Variants in LRRC14 observed in about 807,000 individuals in gnomAD.
LRRC14 encodes the protein leucine-rich repeat-containing protein 14.
In LRRC14, 16 loss-of-function variants were observed where a neutral mutation model predicts 25.3. That is an observed-to-expected ratio of 0.63 (90% CI 0.43 to 0.96). LRRC14 has a LOEUF of 0.96. Among genes scored for constraint, LRRC14 ranks in the 40% least tolerant of loss-of-function variants. The pLI is 0.00. For synonymous variants in LRRC14, 359 were observed against 295.1 expected, an observed-to-expected ratio of 1.22 and a Z score of -2.22; for missense variants, 594 against 660.5, an observed-to-expected ratio of 0.90 and a Z score of 1.10.
In LRRC14 at chr8:144,522,237, C is replaced by T. The variant is rs973186162; in HGVS notation, c.*759C>T. 83 of 505,478 alleles carry T rather than the reference C, an allele frequency of 1.6e-4. No homozygotes were observed. Among genetic ancestry groups the T allele is most frequent in the Non-Finnish European group, 2.4e-4 (75 of 315,418 alleles). 31.3% of individuals were successfully genotyped at this position (505,478 alleles called of 1,614,324 possible). On this transcript the variant is annotated 3_prime_UTR_variant, in exon 4 of 4. Transcript: ENST00000292524. ...GGCCGGCCAGGGCCAGCGAGGGACC[C>T]CCCCCATGCAGAGCTGGAGGTTGGG...
Position 144,524,329 on chromosome 8 carries a change from C to T in LRRC14, c.*2851C>T. 1 of 1,601,490 alleles carries T rather than the reference C, an allele frequency of 6.2e-7. No individual in the cohort carries two copies. ...GGAAAAAGGGCGCCGAGGTTGGGGG[C>T]ATGTCTCTCTTCTTACCAAGCTAGA... On this transcript the variant is annotated 3_prime_UTR_variant, in exon 4 of 4. Coordinates refer to ENST00000292524, the MANE Select transcript of LRRC14 (RefSeq NM_014665.4).
chr8:144,521,310 G>A lies in LRRC14; in HGVS notation c.1314G>A (p.Leu438=), dbSNP rs146960486. The A allele has an allele frequency of 8.1e-6, 13 of 1,612,846 alleles. No individual in the cohort carries two copies. Among genetic ancestry groups the A allele is most frequent in the Non-Finnish European group, 4.2e-6 (5 of 1,180,016 alleles). Residue 438 remains leucine (L), a synonymous_variant, in exon 4 of 4, where the codon TTG becomes TTA. Transcript: ENST00000292524. Reference sequence around the variant, plus strand: ...TCCCTGTGGACTGCTATGAGGGCTTGCCCTGGCCGCCGCCTGCCTCTGTCC... The same window carrying A: ...TCCCTGTGGACTGCTATGAGGGCTTACCCTGGCCGCCGCCTGCCTCTGTCC... ...HPFPVDCYEG[L]PWPPPASVLL...
In LRRC14 at chr8:144,522,508, C is replaced by A; in HGVS notation, c.*1030C>A. 2 of 1,497,818 alleles carry A rather than the reference C, an allele frequency of 1.3e-6. No individual in the cohort carries two copies. Among genetic ancestry groups the A allele is most frequent in the Non-Finnish European group, 8.9e-7 (1 of 1,128,954 alleles). 92.8% of individuals were successfully genotyped at this position (1,497,818 alleles called of 1,614,324 possible). A position where few individuals can be genotyped will look rare whatever the true frequency, so the allele number is the denominator to read the frequency against. On this transcript the variant is annotated 3_prime_UTR_variant, in exon 4 of 4. Transcript: ENST00000292524. ...GGATCTCGTAGGCGACCGGCGGGGGCACGCGGAGTCCCGGCCCCGCCCCCT... is the reference window on the plus strand; with the variant it reads ...GGATCTCGTAGGCGACCGGCGGGGGAACGCGGAGTCCCGGCCCCGCCCCCT...
At position 144,524,096 on chromosome 8, in the gene LRRC14, C is replaced by G. The variant is rs199698941; in HGVS notation, c.*2618C>G. ...CCGTGGCCCAGACAGAGACGCTTTC[C>G]GAGGAAGAGGTACCTGTGAGGCGCA... On this transcript the variant is annotated 3_prime_UTR_variant, in exon 4 of 4. Coordinates refer to ENST00000292524, the MANE Select transcript of LRRC14 (RefSeq NM_014665.4). 1.3e-6 allele frequency: 2 copies of G among 1,591,526 alleles called. No individual in the cohort carries two copies. Among genetic ancestry groups the G allele is most frequent in the Non-Finnish European group, 1.7e-6 (2 of 1,164,406 alleles).
Position 144,524,565 on chromosome 8 carries a change from A to G in LRRC14, c.*3087A>G. On this transcript the variant is annotated 3_prime_UTR_variant, in exon 4 of 4. Coordinates refer to ENST00000292524, the MANE Select transcript of LRRC14 (RefSeq NM_014665.4). ...CAAGCCGCGCAGCCGGTTGCTAGTG[A>G]GCGCCAGCTCCAGCAGGCGCGGCTG... The G allele has an allele frequency of 1.3e-6, 2 of 1,566,014 alleles. No homozygotes were observed. Among genetic ancestry groups the G allele is most frequent in the African/African-American group, 2.7e-5 (2 of 74,112 alleles).
At position 144,521,530 on chromosome 8, in the gene LRRC14, C is replaced by G. The variant is rs554167706; in HGVS notation, c.*52C>G. 4 of 1,524,586 alleles carry G rather than the reference C, an allele frequency of 2.6e-6. No homozygotes were observed. The allele number at this position is 1,524,586 out of a possible 1,614,324, so 94.4% of individuals were successfully genotyped here. A position where few individuals can be genotyped will look rare whatever the true frequency, so the allele number is the denominator to read the frequency against. On this transcript the variant is annotated 3_prime_UTR_variant, in exon 4 of 4. Transcript: ENST00000292524. ...CCGCCCTGCAGTCTCTTTAGGTAGG[C>G]AGGGCCTTTGCTGGGACCCCTGGTG...
Position 144,522,942 on chromosome 8 carries a change from G to C in LRRC14, c.*1464G>C. 6.4e-7 allele frequency: 1 copy of C among 1,558,244 alleles called. No homozygotes were observed. The highest frequency in any genetic ancestry group is 2.0e-4 in the Middle Eastern group (1 of 5,122). ...TGCCGGGACGCGTTGACCAGGAGCC[G>C]GAAGGGCACGCGGGCAGCGCCGCCG... On this transcript the variant is annotated 3_prime_UTR_variant, in exon 4 of 4. Transcript: ENST00000292524.
chr8:144,520,761 T>C lies in LRRC14; in HGVS notation c.853T>C (p.Cys285Arg). The C allele has an allele frequency of 1.3e-6, 2 of 1,598,720 alleles. No homozygotes were observed. Among genetic ancestry groups the C allele is most frequent in the Non-Finnish European group, 1.7e-6 (2 of 1,179,938 alleles). ...CCTTGCCCAGATGGGCCGCTTCACC[T>C]GTCTGCGTGAGCTCAGCATGGGCTC... Reference protein sequence around the residue: ...YFLAQMGRFTCLRELSMGSSL... With the variant: ...YFLAQMGRFTRLRELSMGSSL... Residue 285 changes from cysteine (C) to arginine (R), a missense_variant, in exon 3 of 4, where the codon TGT becomes CGT. Transcript: ENST00000292524.
rs762382268 is a variant in LRRC14, at chr8:144,523,252, G to T, written c.*1774G>T. The T allele has an allele frequency of 6.2e-7, 1 of 1,610,610 alleles. No individual in the cohort carries two copies. The highest frequency in any genetic ancestry group is 1.1e-5 in the South Asian group (1 of 90,780). On this transcript the variant is annotated 3_prime_UTR_variant, in exon 4 of 4. Transcript: ENST00000292524. ...CGTGGACAGAGGGCGGAATGCAGAT[G>T]AGGCTGCTGTGGGATACGTCCAGGA...
chr8:144,525,127 A>C lies in LRRC14; in HGVS notation c.*3649A>C. The C allele has an allele frequency of 2.7e-6, 2 of 749,998 alleles. No homozygotes were observed. The highest frequency in any genetic ancestry group is 3.8e-6 in the Non-Finnish European group (2 of 528,306). The allele number at this position is 749,998 out of a possible 1,614,324, so 46.5% of individuals were successfully genotyped here. ...ACCTGCGTCTAACTTTTGACGCTATAAATAGGTTCAAGAAACTAATAAAAC... is the reference window on the plus strand; with the variant it reads ...ACCTGCGTCTAACTTTTGACGCTATCAATAGGTTCAAGAAACTAATAAAAC... On this transcript the variant is annotated 3_prime_UTR_variant, in exon 4 of 4. Transcript: ENST00000292524.
rs1246853546 is a variant in LRRC14, at chr8:144,524,532, C to G, written c.*3054C>G. 1 of 1,588,222 alleles carries G rather than the reference C, an allele frequency of 6.3e-7. No homozygotes were observed. Among genetic ancestry groups the G allele is most frequent in the East Asian group, 2.3e-5 (1 of 44,430 alleles). ...CAGCTGGGCCAGGCCTACGAAGGCG[C>G]CGCTGCGCAAGCCGCGCAGCCGGTT... On this transcript the variant is annotated 3_prime_UTR_variant, in exon 4 of 4. Transcript: ENST00000292524.
chr8:144,523,471 G>T lies in LRRC14; in HGVS notation c.*1993G>T. The T allele has an allele frequency of 6.7e-7, 1 of 1,490,116 alleles. No individual in the cohort carries two copies. Among genetic ancestry groups the T allele is most frequent in the Non-Finnish European group, 8.9e-7 (1 of 1,126,500 alleles). The allele number at this position is 1,490,116 out of a possible 1,614,324, so 92.3% of individuals were successfully genotyped here. ...TGCTGCTAAAACAGCCTGTGCAGTTGGGGTTTTGCAGGCCAGGACAGAGGC... is the reference window on the plus strand; with the variant it reads ...TGCTGCTAAAACAGCCTGTGCAGTTTGGGTTTTGCAGGCCAGGACAGAGGC... On this transcript the variant is annotated 3_prime_UTR_variant, in exon 4 of 4. Coordinates refer to ENST00000292524, the MANE Select transcript of LRRC14 (RefSeq NM_014665.4).
Position 144,523,980 on chromosome 8 carries a change from G to A in LRRC14, c.*2502G>A. On this transcript the variant is annotated 3_prime_UTR_variant, in exon 4 of 4. Coordinates refer to ENST00000292524, the MANE Select transcript of LRRC14 (RefSeq NM_014665.4). ...CCCACTCCCGCAGCCCTCCAGTGTG[G>A]CTGCAGGCGGTGGTGCAGCCTTCCA... 5 of 1,083,904 alleles carry A rather than the reference G, an allele frequency of 4.6e-6. No individual in the cohort carries two copies. The highest frequency in any genetic ancestry group is 6.3e-4 in the Middle Eastern group (2 of 3,154). 67.1% of individuals were successfully genotyped at this position (1,083,904 alleles called of 1,614,324 possible). A position where few individuals can be genotyped will look rare whatever the true frequency, so the allele number is the denominator to read the frequency against.
chr8:144,520,051 G>A lies in LRRC14; in HGVS notation c.326G>A (p.Cys109Tyr). Residue 109 changes from cysteine to tyrosine, a missense_variant, in exon 2 of 4, where the codon TGC becomes TAC. By Grantham distance (194) the Cys-to-Tyr change is radical. Coordinates refer to ENST00000292524, the MANE Select transcript of LRRC14 (RefSeq NM_014665.4). Reference protein sequence around the residue: ...SEPGASTQPLCRKHALRVLDM... With the variant: ...SEPGASTQPLYRKHALRVLDM... ...CCTGGGGCCAGCACACAGCCCCTCT[G>A]CAGGTATGGACTTATCTGGAGGGTC... 1.2e-6 allele frequency: 2 copies of A among 1,603,340 alleles called. No homozygotes were observed. Among genetic ancestry groups the A allele is most frequent in the Non-Finnish European group, 1.7e-6 (2 of 1,177,108 alleles).
In LRRC14 at chr8:144,519,991, T is replaced by C. The variant is rs1390888412; in HGVS notation, c.266T>C (p.Ile89Thr). The change falls in exon 2 of 4, where the codon ATC becomes ACC. Residue 89 changes from isoleucine (I) to threonine (T), a missense_variant. Coordinates refer to ENST00000292524, the MANE Select transcript of LRRC14 (RefSeq NM_014665.4). Reference protein sequence around the residue: ...RPSTESMQAVILGLTARLHTS... With the variant: ...RPSTESMQAVTLGLTARLHTS... ...AGCACTGAGAGCATGCAGGCTGTTA[T>C]CCTGGGGCTGACTGCCCGGCTCCAC... is the stretch of plus-strand genomic sequence containing the variant. The C allele has an allele frequency of 5.6e-6, 9 of 1,612,172 alleles. No homozygotes were observed. Among genetic ancestry groups the C allele is most frequent in the South Asian group, 2.2e-5 (2 of 91,090 alleles).
At chr8:144,519,056 A>G (rs1301847347) in intron 1 of LRRC14, among the ~76,000 whole-genome samples, 2 of 152,132 alleles carry the variant, frequency 1.3e-5, no homozygotes, top group Non-Finnish European at 2.9e-5. Flanking sequence ...GCTCTGGAGA[A>G]TAGTAGCTTT....
rs1339963083 is a variant in LRRC14, at chr8:144,521,109, GCTGA to G, written c.1118_1121del (p.Thr373SerfsTer16). The stretch of plus-strand genomic sequence containing the variant: ...CAGCAGCCACACTGTTGCATCTGGA[GCTGA>G]CTGAGTGTCAGCTCGCAGACACCCA... On this transcript the variant is annotated frameshift_variant, in exon 4 of 4. Transcript: ENST00000292524. LOFTEE classifies it low-confidence loss of function (END_TRUNC). 6.2e-7 allele frequency: 1 copy of G among 1,613,080 alleles called. No homozygotes were observed. The highest frequency in any genetic ancestry group is 8.5e-7 in the Non-Finnish European group (1 of 1,180,034).
Position 144,522,548 on chromosome 8 carries a change from T to A in LRRC14, c.*1070T>A. 1 of 1,532,434 alleles carries A rather than the reference T, an allele frequency of 6.5e-7. No individual in the cohort carries two copies. Among genetic ancestry groups the A allele is most frequent in the Non-Finnish European group, 8.8e-7 (1 of 1,141,910 alleles). The allele number at this position is 1,532,434 out of a possible 1,614,324, so 94.9% of individuals were successfully genotyped here. ...CCCCGCCCCCTGTTCCGGGCCGCAG[T>A]CAGCGGGCGCCTCCGCCGGACCCTC... On this transcript the variant is annotated 3_prime_UTR_variant, in exon 4 of 4. Transcript: ENST00000292524.
chr8:144,522,762 G>C lies in LRRC14; in HGVS notation c.*1284G>C. 1 of 1,574,592 alleles carries C rather than the reference G, an allele frequency of 6.4e-7. No individual in the cohort carries two copies. Among genetic ancestry groups the C allele is most frequent in the Non-Finnish European group, 8.6e-7 (1 of 1,163,256 alleles). On this transcript the variant is annotated 3_prime_UTR_variant, in exon 4 of 4. Coordinates refer to ENST00000292524, the MANE Select transcript of LRRC14 (RefSeq NM_014665.4). ...CGACAGATCATGGCGACCAGGAGCA[G>C]CGCCGTGAGCGCCAGCAGCGCGATG...
Sources: gnomAD v4.1 joint callset for allele counts (sites outside exome capture counted in the v4.1 genomes callset) on GRCh38, gnomAD v4.1.1 for gene constraint, MANE v1.5 for transcripts, NCBI Gene and HGNC (gene_info 2026-07-23, HGNC 2026-07-21) for gene names.